The following CSMD1 variants were observed in gnomAD, a reference collection of about 807,000 sequenced individuals.
The protein encoded by CSMD1 is CUB and Sushi multiple domains 1, also known as CUB and sushi domain-containing protein 1.
CSMD1 carries 213 observed loss-of-function variants against 417.5 expected under a neutral mutation model. The observed-to-expected ratio is 0.51, with a 90% CI of 0.46 to 0.57. CSMD1 has a LOEUF of 0.57. CSMD1 is among the 20% of genes least tolerant of loss of function. CSMD1 has a pLI of 0.00. For synonymous variants in CSMD1, 2,862 were observed against 1,736.8 expected (o/e 1.65, Z -16.11); for missense variants, 6,923 against 4,529.7 (o/e 1.53, Z -15.17).
At chr8:3,434,596 T>C (rs757471315) in intron 12 of CSMD1, among the ~76,000 whole-genome samples, 45 of 152,212 alleles carry the variant, frequency 3.0e-4, no homozygotes, top group Non-Finnish European at 5.9e-4. Context: ...TTCTCCAGCC[T>C]AAAATCATGA....
intron 25 of CSMD1, among the ~76,000 whole-genome samples, chr8:3,301,211 T>C (rs923866299): frequency 2.0e-5 from 3 of 151,902 alleles, no homozygotes; most frequent in South Asian, 2.1e-4. Flanking sequence ...ACAAACCATA[T>C]TGTTTGGGGT....
chr8:3,327,318 A>G (rs1806597930), intron 23 of CSMD1, among the ~76,000 whole-genome samples: 1 of 152,044 alleles, frequency 6.6e-6, no homozygotes, highest in Non-Finnish European at 1.5e-5. Context: ...AATTTTTTGT[A>G]GAGATGGGGT....
chr8:4,460,027 G>T (rs558427661), intron 2 of CSMD1, among the ~76,000 whole-genome samples: 1 of 152,024 alleles, frequency 6.6e-6, no homozygotes, highest in Non-Finnish European at 1.5e-5. Flanking sequence ...GGAATGAACA[G>T]ACATCTACAG....
chr8:4,327,056 A>T (rs1799600867), intron 3 of CSMD1, among the ~76,000 whole-genome samples: 1 of 152,186 alleles, frequency 6.6e-6, no homozygotes, highest in South Asian at 2.1e-4. Flanking sequence ...AACTCAGAAG[A>T]CGACTTCAAA....
chr8:3,698,485 G>A (rs183953899), intron 7 of CSMD1, among the ~76,000 whole-genome samples: 58 of 152,318 alleles, frequency 3.8e-4, no homozygotes, highest in African/African-American at 1.2e-3. Context: ...CTGCTTTAAA[G>A]CAAGACCTAC....
At chr8:3,948,937 T>C (rs1447558246) in intron 5 of CSMD1, among the ~76,000 whole-genome samples, 1 of 152,154 alleles carries the variant, frequency 6.6e-6, no homozygotes, top group Non-Finnish European at 1.5e-5. Flanking sequence ...ATTAGTAGAA[T>C]AACTGAGGAT....
At chr8:3,525,832 A>G (rs942822257) in intron 10 of CSMD1, among the ~76,000 whole-genome samples, 4 of 151,966 alleles carry the variant, frequency 2.6e-5, no homozygotes, top group Non-Finnish European at 4.4e-5. Context: ...GAAAAAATCA[A>G]TAGCCCCCCA....
intron 1 of CSMD1, among the ~76,000 whole-genome samples, chr8:4,852,237 G>C (rs1456574252): frequency 6.6e-6 from 1 of 152,192 alleles, no homozygotes; most frequent in Admixed American, 6.5e-5. Flanking sequence ...ATCTCAGGTT[G>C]AAATGTAATC....
chr8:3,962,806 C>CA (rs1323226927), intron 5 of CSMD1, among the ~76,000 whole-genome samples: 2 of 152,020 alleles, frequency 1.3e-5, no homozygotes, highest in Non-Finnish European at 2.9e-5. Context: ...ACATTGAGGG[C>CA]AATAAGTTTC....
At chr8:4,594,195 C>CTTTGTTTTTTTTTT (rs1800139399) in intron 2 of CSMD1, among the ~76,000 whole-genome samples, 1 of 92,374 alleles carries the variant, frequency 1.1e-5, no homozygotes, top group African/African-American at 4.3e-5. Flanking sequence ...CTAAAGTGAT[C>CTTTGTTTTTTTTTT]TTTTTTTTTT....
chr8:3,852,879 G>A (rs780593400), intron 5 of CSMD1, among the ~76,000 whole-genome samples: 3 of 152,060 alleles, frequency 2.0e-5, no homozygotes, highest in Non-Finnish European at 2.9e-5. Flanking sequence ...CAGCATCCAC[G>A]CAGGTTCCTA....
At chr8:3,414,935 G>C (rs1813036861) in intron 12 of CSMD1, among the ~76,000 whole-genome samples, 1 of 152,110 alleles carries the variant, frequency 6.6e-6, no homozygotes, top group South Asian at 2.1e-4. Context: ...TCTGCGGCAA[G>C]ACCTGTCACT....
chr8:4,126,375 C>A lies in CSMD1; in HGVS notation c.416-94276G>T, dbSNP rs979138520. Reference sequence around the variant, plus strand: ...GGTTACGAGACCTGTCTCAGCTATTCAGCATTCACACCAGAATGGTGCCAA... The same window carrying A: ...GGTTACGAGACCTGTCTCAGCTATTAAGCATTCACACCAGAATGGTGCCAA... On this transcript the variant is annotated intron_variant, in intron 3 of 69. Coordinates refer to ENST00000635120, the MANE Select transcript of CSMD1 (RefSeq NM_033225.6). Among the ~76,000 whole-genome samples, 5 of 152,300 alleles carry A rather than the reference C, an allele frequency of 3.3e-5. No individual in the cohort carries two copies. The East Asian group carries it at 9.7e-4, about 29-fold the overall frequency.
At position 3,029,490 on chromosome 8, in the gene CSMD1, C is replaced by A. The variant is rs767033152; in HGVS notation, c.7684G>T (p.Ala2562Ser). ...CKPVACPSIE[A>S]QLSEHVIWRL... Reference sequence around the variant, plus strand: ...CAGATGACATGTTCTGAGAGCTGAGCTTCAATGCTGGGGCAAGCGACCGCT... The same window carrying A: ...CAGATGACATGTTCTGAGAGCTGAGATTCAATGCTGGGGCAAGCGACCGCT... Residue 2562 changes from alanine (A) to serine (S), a missense_variant, in exon 51 of 70, where the codon GCT (alanine) becomes TCT (serine). Physicochemically the swap from Ala to Ser is moderately conservative, Grantham distance 99 (BLOSUM62 1). Coordinates refer to ENST00000635120, the MANE Select transcript of CSMD1 (RefSeq NM_033225.6). The A allele has an allele frequency of 6.2e-7, 1 of 1,601,902 alleles. No individual in the cohort carries two copies. Among genetic ancestry groups the A allele is most frequent in the South Asian group, 1.1e-5 (1 of 88,910 alleles).
At chr8:3,152,949 T>C (rs1272761063) in intron 39 of CSMD1, among the ~76,000 whole-genome samples, 1 of 152,192 alleles carries the variant, frequency 6.6e-6, no homozygotes, top group Admixed American at 6.5e-5. Flanking sequence ...TATATCCAAC[T>C]GTCAGAGGTG....
chr8:4,156,939 T>C (rs896977692), intron 3 of CSMD1, among the ~76,000 whole-genome samples: 8 of 152,192 alleles, frequency 5.3e-5, no homozygotes, highest in African/African-American at 1.4e-4. Context: ...TACGAAACTT[T>C]ATCTATCCAA....
chr8:3,811,271 G>C (rs1346726823), intron 5 of CSMD1, among the ~76,000 whole-genome samples: 1 of 152,180 alleles, frequency 6.6e-6, no homozygotes, highest in Admixed American at 6.5e-5. Context: ...GCAATTACCA[G>C]AGATAAGTTT....
Position 3,425,825 on chromosome 8 carries a change from T to C in CSMD1, c.1562-16220A>G, listed in dbSNP as rs118007961. On this transcript the variant is annotated intron_variant, in intron 12 of 69. Transcript: ENST00000635120. ...GCACCTTGATTCACGTATATTGACA[T>C]TGAGGTGAAGAACTATGACCTGTTA... is the stretch of plus-strand genomic sequence containing the variant. 9.1e-4 allele frequency among the ~76,000 whole-genome samples: 139 copies of C among 152,236 alleles called. 3 individuals are homozygous for C. The South Asian group carries it at 0.011, about 12-fold the overall frequency.
intron 6 of CSMD1, among the ~76,000 whole-genome samples, chr8:3,742,129 T>A (rs1423383746): frequency 6.6e-6 from 1 of 152,148 alleles, no homozygotes; most frequent in Non-Finnish European, 1.5e-5. Context: ...AGTCTATTTG[T>A]CTATCCACCT....
Sources: allele counts gnomAD v4.1 joint callset (sites outside exome capture counted in the v4.1 genomes callset), GRCh38; gene constraint gnomAD v4.1.1; transcripts MANE v1.5; gene names NCBI Gene and HGNC (gene_info 2026-07-23, HGNC 2026-07-21).